FANCD2: variants seen among roughly 807,000 people sequenced by gnomAD.
The protein encoded by FANCD2 is Fanconi anemia group D2 protein.
FANCD2 carries 131 observed loss-of-function variants against 192.3 expected under a neutral mutation model. That is an observed-to-expected ratio of 0.68 (90% CI 0.59 to 0.79). The LOEUF (loss-of-function observed/expected upper bound fraction) is 0.79. Among genes scored for constraint, FANCD2 ranks in the 30% least tolerant of loss-of-function variants. The pLI is 0.00. For missense variants in FANCD2, 1,508 were observed against 1,701.6 expected, an observed-to-expected ratio of 0.89 and a Z score of 2.00; for synonymous variants, 524 against 612.5, an observed-to-expected ratio of 0.86 and a Z score of 2.13.
At position 10,096,318 on chromosome 3, in the gene FANCD2, C is replaced by T; in HGVS notation, c.4039-8C>T. The T allele has an allele frequency of 2.5e-6, 4 of 1,613,734 alleles. No homozygotes were observed. The highest frequency in any genetic ancestry group is 3.4e-6 in the Non-Finnish European group (4 of 1,179,724). Reference sequence around the variant, plus strand: ...CACAAAAGATGGATGTTATTTATTTCCATTCAGATTCACCAGGACACGAGA... The same window carrying T: ...CACAAAAGATGGATGTTATTTATTTTCATTCAGATTCACCAGGACACGAGA... On this transcript the variant is annotated splice_polypyrimidine_tract_variant and splice_region_variant and intron_variant, in intron 41 of 43. Transcript: ENST00000675286.
At chr3:10,046,982 G>T (rs991016882) in intron 15 of FANCD2, among the ~76,000 whole-genome samples, 1 of 152,300 alleles carries the variant, frequency 6.6e-6, no homozygotes, top group African/African-American at 2.4e-5. Flanking sequence ...ATGTAAATAT[G>T]TACCTATTTG....
chr3:10,048,660 G>A (rs76349278), intron 16 of FANCD2, among the ~76,000 whole-genome samples: 2 of 151,664 alleles, frequency 1.3e-5, no homozygotes, highest in Non-Finnish European at 3.0e-5. Context: ...TGTGGAAAAT[G>A]TTTATGAAAG....
chr3:10,045,164 G>GT (rs145746766), intron 14 of FANCD2, among the ~76,000 whole-genome samples: 2 of 145,242 alleles, frequency 1.4e-5, no homozygotes, highest in African/African-American at 2.6e-5. Context: ...TTTTTGTTTT[G>GT]TTTTGTTTTT....
chr3:10,095,975 G>A (rs1050033822), intron 41 of FANCD2, among the ~76,000 whole-genome samples: 3 of 149,202 alleles, frequency 2.0e-5, no homozygotes, highest in East Asian at 3.9e-4. Context: ...TCCGCCTCCC[G>A]GCTGGACAGT....
At chr3:10,068,255 A>C (rs1011066518) in intron 26 of FANCD2, among the ~76,000 whole-genome samples, 1 of 152,134 alleles carries the variant, frequency 6.6e-6, no homozygotes, top group African/African-American at 2.4e-5. Context: ...TAAAGACTCC[A>C]CCAAAAAACT....
At chr3:10,081,002 A>T in intron 30 of FANCD2, 98 bp from the exon 31 acceptor site, 1 of 1,328,518 alleles carries the variant, frequency 7.5e-7, no homozygotes, top group African/African-American at 1.4e-5. Context: ...ATCTGCTCCT[A>T]CCTGGTGACA....
intron 26 of FANCD2, among the ~76,000 whole-genome samples, chr3:10,069,634 G>T (rs369536972): frequency 1.3e-5 from 2 of 151,900 alleles, no homozygotes; most frequent in South Asian, 2.1e-4. Context: ...ACTGGTTTTC[G>T]TACTTTTTTG....
chr3:10,079,408 G>A (rs553031412), intron 30 of FANCD2, among the ~76,000 whole-genome samples: 15 of 152,214 alleles, frequency 9.9e-5, no homozygotes, highest in South Asian at 6.2e-4. Context: ...GGGTTCAAGC[G>A]ATTCTCCTGC....
At chr3:10,083,401 C>T (rs1321677975) in intron 32 of FANCD2, 1 of 152,324 alleles carries the variant, frequency 6.6e-6, no homozygotes, top group East Asian at 1.9e-4. Context: ...AGCATAGCTA[C>T]ATCAAAAAGA....
At chr3:10,032,390 T>TA in intron 2 of FANCD2, 1 of 322,856 alleles carries the variant, frequency 3.1e-6, no homozygotes, top group South Asian at 2.5e-5. Context: ...AAGTTATTCT[T>TA]CCGCCTTAGC....
At chr3:10,081,862 A>G (rs1281535878) in intron 32 of FANCD2, among the ~76,000 whole-genome samples, 2 of 152,180 alleles carry the variant, frequency 1.3e-5, no homozygotes. Flanking sequence ...CATGGCCTTT[A>G]GAGAGATAAC....
At chr3:10,046,302 C>G (rs954062661) in intron 14 of FANCD2, 23 of 385,130 alleles carry the variant, frequency 6.0e-5, no homozygotes, top group Non-Finnish European at 9.8e-6. Context: ...ATCTGCCCGC[C>G]TTGGCCTCCC....
At chr3:10,038,579 CTT>C (rs573306335) in intron 7 of FANCD2, among the ~76,000 whole-genome samples, 1,528 of 128,846 alleles carry the variant, frequency 0.012, 13 homozygotes, top group South Asian at 0.054. Context: ...TATATGCTTG[CTT>C]TTTTTTTTTT....
Position 10,036,683 on chromosome 3 carries a change from ATTTTTTT to A in FANCD2, c.491+354_491+360del, listed in dbSNP as rs113017725. Among the ~76,000 whole-genome samples, 1,350 of 144,416 alleles carry A rather than the reference ATTTTTTT, an allele frequency of 9.3e-3. 19 individuals carry two copies. The highest frequency in any genetic ancestry group is 0.031 in the African/African-American group (1,245 of 39,710). The allele number at this position is 144,416 out of a possible 152,430, so 94.7% of individuals were successfully genotyped here. The stretch of plus-strand genomic sequence containing the variant: ...GACCTTGTCTGTATTTCAAAACAGA[ATTTTTTT>A]TTTTTTTTTAAGTATCTGTTGCTTA... On this transcript the variant is annotated intron_variant, in intron 7 of 43. Transcript: ENST00000675286.
rs1428759933 is a variant in FANCD2, at chr3:10,088,521, A to G, written c.3539A>G (p.Asp1180Gly). ...GDKEKSNISN[D>G]QLHALLCIYL... is the part of the protein sequence containing the mutation. ...AAAGAGAAGAGCAACATCTCTAATG[A>G]CCAGCTCCATGCTCTGCTCTGGTGA... is the stretch of plus-strand genomic sequence containing the variant. Residue 1180 changes from aspartate to glycine, a missense_variant, in exon 35 of 44, where the codon GAC becomes GGC. Physicochemically the swap from Asp to Gly is moderately conservative, Grantham distance 94. Transcript: ENST00000675286. 1.9e-6 allele frequency: 3 copies of G among 1,607,000 alleles called. No individual in the cohort carries two copies. The highest frequency in any genetic ancestry group is 2.6e-6 in the Non-Finnish European group (3 of 1,173,600).
rs568997706 is a variant in FANCD2, at chr3:10,098,886, G to A, written c.4281+71G>A. On this transcript the variant is annotated intron_variant, in intron 43 of 43. Transcript: ENST00000675286. ...TTGTTAATTGTTCTAAGTTGGTGGAGCAGAACTTTGCCTACTTATGTTTAT... is the reference window on the plus strand; with the variant it reads ...TTGTTAATTGTTCTAAGTTGGTGGAACAGAACTTTGCCTACTTATGTTTAT... 4 of 1,614,220 alleles carry A rather than the reference G, an allele frequency of 2.5e-6. No individual in the cohort carries two copies. The highest frequency in any genetic ancestry group is 2.2e-5 in the South Asian group (2 of 91,084).
At position 10,039,301 on chromosome 3, in the gene FANCD2, A is replaced by G. The variant is rs764962539; in HGVS notation, c.514A>G (p.Ile172Val). 1 of 1,613,892 alleles carries G rather than the reference A, an allele frequency of 6.2e-7. No individual in the cohort carries two copies. The highest frequency in any genetic ancestry group is 1.7e-4 in the Middle Eastern group (1 of 6,060). The change falls in exon 8 of 44, where the codon ATA (isoleucine) becomes GTA (valine). Residue 172 changes from isoleucine (I) to valine (V), a missense_variant. Transcript: ENST00000675286. ...TAGCAAGAACAGTGATGAAATCAAC[A>G]TACCTCGACTCATTGTCAGTCAACT... The part of the protein sequence containing the change: ...FENKNSDEIN[I>V]PRLIVSQLKW...
chr3:10,030,213 C>T (rs1253185502), intron 2 of FANCD2, among the ~76,000 whole-genome samples: 1 of 151,776 alleles, frequency 6.6e-6, no homozygotes, highest in Non-Finnish European at 1.5e-5. Flanking sequence ...TCTCCTGGCT[C>T]AGCCGCCCAA....
intron 31 of FANCD2, 24 bp from the exon 32 acceptor site, chr3:10,081,321 GT>G: frequency 6.2e-7 from 1 of 1,611,218 alleles, no homozygotes; most frequent in African/African-American, 1.3e-5. Context: ...TGAAGCAACT[GT>G]CCTAAAATCA....
Sources: gnomAD v4.1 joint callset for allele counts (sites outside exome capture counted in the v4.1 genomes callset) on GRCh38, gnomAD v4.1.1 for gene constraint, MANE v1.5 for transcripts, NCBI Gene and HGNC (gene_info 2026-07-23, HGNC 2026-07-21) for gene names.